The following OTUD7A variants were observed in gnomAD, a reference collection of about 807,000 sequenced individuals.
OTUD7A encodes OTU domain-containing protein 7A.
In OTUD7A, 12 loss-of-function variants were observed where a neutral mutation model predicts 65.7. That is an observed-to-expected ratio of 0.18 (90% CI 0.12 to 0.30). OTUD7A has a LOEUF of 0.30. OTUD7A is among the 10% of genes least tolerant of loss of function. The pLI is 1.00. For missense variants in OTUD7A, 1,148 were observed against 1,304.8 expected (o/e 0.88, Z 1.85); for synonymous variants, 641 against 586.3 (o/e 1.09, Z -1.35).
At chr15:31,665,682 T>G (rs1432149312) in intron 1 of OTUD7A, among the ~76,000 whole-genome samples, 1 of 152,222 alleles carries the variant, frequency 6.6e-6, no homozygotes, top group East Asian at 1.9e-4. Flanking sequence ...TGGCTAGGAC[T>G]TCAAGTACTA....
At chr15:31,679,077 C>CT (rs1350508060) in intron 1 of OTUD7A, among the ~76,000 whole-genome samples, 2 of 152,184 alleles carry the variant, frequency 1.3e-5, no homozygotes, top group Non-Finnish European at 2.9e-5. Context: ...CATTTTGGAA[C>CT]TTTAAGGTTT....
intron 1 of OTUD7A, among the ~76,000 whole-genome samples, chr15:31,770,228 GA>G (rs1187817989): frequency 6.6e-6 from 1 of 152,144 alleles, no homozygotes. Flanking sequence ...ATGAATGAAA[GA>G]GGGGACACTG....
chr15:31,734,945 C>A (rs1162004637), intron 1 of OTUD7A, among the ~76,000 whole-genome samples: 1 of 151,990 alleles, frequency 6.6e-6, no homozygotes, highest in African/African-American at 2.4e-5. Context: ...AAAGAAACAC[C>A]AACAGAGTAA....
intron 4 of OTUD7A, among the ~76,000 whole-genome samples, chr15:31,563,558 T>C (rs1269496205): frequency 1.3e-5 from 2 of 152,192 alleles, no homozygotes; most frequent in Admixed American, 1.3e-4. Context: ...CTCCCCAGCA[T>C]GGCTCCAGCA....
chr15:31,536,984 A>C (rs192551441), intron 5 of OTUD7A, among the ~76,000 whole-genome samples: 12 of 152,342 alleles, frequency 7.9e-5, no homozygotes, highest in Admixed American at 2.0e-4. Flanking sequence ...ACTCTGACTC[A>C]ATCACTACAC....
At chr15:31,834,086 T>C (rs149840557) in intron 1 of OTUD7A, among the ~76,000 whole-genome samples, 17 of 152,384 alleles carry the variant, frequency 1.1e-4, no homozygotes, top group African/African-American at 3.8e-4. Flanking sequence ...AGTAATATTC[T>C]TTAGCTTTTG....
chr15:31,487,091 A>C lies in OTUD7A; in HGVS notation c.1371+103T>G. On this transcript the variant is annotated intron_variant, in intron 12 of 12. Transcript: ENST00000307050. The surrounding 1 kb of genome is among the most constrained non-coding windows in gnomAD (Gnocchi z 6.0). Reference sequence around the variant, plus strand: ...CTGGGGTGGGCGGCCGGGCAGGGGCAGGCAAGAGTGTGGGAGCATTTGGGA... The same window carrying C: ...CTGGGGTGGGCGGCCGGGCAGGGGCCGGCAAGAGTGTGGGAGCATTTGGGA... 8.6e-7 allele frequency: 1 copy of C among 1,164,178 alleles called. No individual in the cohort carries two copies. The allele number at this position is 1,164,178 out of a possible 1,614,324, so 72.1% of individuals were successfully genotyped here.
chr15:31,772,930 T>C (rs542382849), intron 1 of OTUD7A, among the ~76,000 whole-genome samples: 3 of 152,204 alleles, frequency 2.0e-5, no homozygotes, highest in African/African-American at 7.2e-5. Flanking sequence ...GAACACTTTG[T>C]TTCAATATTA....
chr15:31,558,735 G>C, intron 5 of OTUD7A: 1 of 587,632 alleles, frequency 1.7e-6, no homozygotes, highest in Non-Finnish European at 3.0e-6. Flanking sequence ...AGGAGCAAGG[G>C]GAAAACTCGA....
At chr15:31,810,141 C>A (rs1446449081) in intron 1 of OTUD7A, among the ~76,000 whole-genome samples, 1 of 152,164 alleles carries the variant, frequency 6.6e-6, no homozygotes, top group African/African-American at 2.4e-5. Flanking sequence ...TTCGGGAGGC[C>A]AGAGGGGTTC....
chr15:31,560,742 A>G (rs573955157), intron 4 of OTUD7A, among the ~76,000 whole-genome samples: 10 of 152,300 alleles, frequency 6.6e-5, no homozygotes, highest in African/African-American at 1.2e-4. Flanking sequence ...TCCTGAGGCT[A>G]TTCCCTGAGG....
At chr15:31,663,396 T>C (rs1410216479) in intron 1 of OTUD7A, among the ~76,000 whole-genome samples, 1 of 152,070 alleles carries the variant, frequency 6.6e-6, no homozygotes, top group Non-Finnish European at 1.5e-5. Flanking sequence ...CACCTGGGTA[T>C]TAAGCCCTGC....
chr15:31,550,554 A>C (rs548467749), intron 5 of OTUD7A, among the ~76,000 whole-genome samples: 1 of 152,278 alleles, frequency 6.6e-6, no homozygotes, highest in South Asian at 2.1e-4. Flanking sequence ...AAATTCTGCC[A>C]ACCGCAGGGA....
At chr15:31,492,595 A>C (rs998465634) in intron 10 of OTUD7A, among the ~76,000 whole-genome samples, 2 of 152,118 alleles carry the variant, frequency 1.3e-5, no homozygotes, top group South Asian at 2.1e-4. Flanking sequence ...AAAAAAAAAA[A>C]AAAACAAATC....
intron 3 of OTUD7A, among the ~76,000 whole-genome samples, chr15:31,652,219 A>T (rs1313378449): frequency 1.3e-5 from 2 of 152,234 alleles, no homozygotes; most frequent in Admixed American, 6.5e-5. Context: ...CAAATTGCAA[A>T]GGCAATTCAA....
intron 5 of OTUD7A, among the ~76,000 whole-genome samples, chr15:31,538,650 A>C (rs1341083511): frequency 1.3e-5 from 2 of 152,168 alleles, no homozygotes; most frequent in African/African-American, 2.4e-5. Context: ...TCTCTGACCT[A>C]TATGATTTCA....
intron 1 of OTUD7A, among the ~76,000 whole-genome samples, chr15:31,843,823 C>T (rs1372464389): frequency 2.6e-5 from 4 of 152,180 alleles, no homozygotes; most frequent in Admixed American, 2.0e-4. Flanking sequence ...AAGCCCTGCA[C>T]CAAAGCACTC....
At chr15:31,660,456 T>C (rs1174905723) in intron 1 of OTUD7A, among the ~76,000 whole-genome samples, 1 of 152,212 alleles carries the variant, frequency 6.6e-6, no homozygotes, top group African/African-American at 2.4e-5. Flanking sequence ...AAGCCCAGTG[T>C]CTTTCAGTGC....
chr15:31,846,361 T>C (rs897888828), intron 1 of OTUD7A, among the ~76,000 whole-genome samples: 3 of 152,192 alleles, frequency 2.0e-5, no homozygotes, highest in African/African-American at 4.8e-5. Context: ...TGGGATTACA[T>C]ATAAACTCTT....
Sources: allele counts gnomAD v4.1 joint callset (sites outside exome capture counted in the v4.1 genomes callset), GRCh38; gene constraint gnomAD v4.1.1; non-coding constraint Gnocchi (gnomAD v3.1); transcripts MANE v1.5; gene names NCBI Gene and HGNC (gene_info 2026-07-23, HGNC 2026-07-21).